CALCA: variants seen among roughly 807,000 people sequenced by gnomAD.
CALCA encodes the protein calcitonin related polypeptide alpha, also known as calcitonin.
Under a neutral mutation model 6.9 loss-of-function variants are expected in CALCA, and 4 were observed. The observed-to-expected ratio is 0.58, with a 90% CI of 0.29 to 1.33. The LOEUF (loss-of-function observed/expected upper bound fraction) is 1.33. Ranked by LOEUF, CALCA falls within the 40% of genes most tolerant of loss-of-function variation. The probability of loss-of-function intolerance (pLI) is 0.09; values close to 1 mark genes in which losing one functional copy is unlikely to be tolerated. For missense variants in CALCA, 174 were observed against 178.3 expected, an observed-to-expected ratio of 0.98 and a Z score of 0.14; for synonymous variants, 78 against 70.0, an observed-to-expected ratio of 1.11 and a Z score of -0.57.
rs781978795 is a variant in CALCA, at chr11:14,968,884, C to G, written c.341G>C (p.Gly114Ala). The G allele has an allele frequency of 3.1e-6, 5 of 1,614,176 alleles. No homozygotes were observed. In the Admixed American group the frequency reaches 8.3e-5, roughly 27 times the overall value. The change falls in exon 4 of 4, where the codon GGA (glycine) becomes GCA (alanine). Residue 114 changes from glycine to alanine, a missense_variant. Transcript: ENST00000331587. ...CATATCCCTTTTCTTTCCAGGTGCT[C>G]CAACCCCAATTGCAGTTTGGGGGAA... Reference protein sequence around the residue: ...HTFPQTAIGVGAPGKKRDMSS... With the variant: ...HTFPQTAIGVAAPGKKRDMSS...
intron 2 of CALCA, among the ~76,000 whole-genome samples, chr11:14,970,558 T>C (rs35356387): frequency 2.1e-3 from 321 of 152,276 alleles, no homozygotes; most frequent in African/African-American, 7.3e-3. Context: ...ATACAAAAGT[T>C]TGGCTAAAAG....
At chr11:14,968,127 T>C (rs1849500034), downstream of CALCA, 1 of 526,672 alleles carries the variant, frequency 1.9e-6, no homozygotes, top group Non-Finnish European at 3.4e-6. Context: ...ACAGCCAATC[T>C]TTCCTGTATA....
At chr11:14,967,941 T>C, downstream of CALCA, 1 of 1,514,722 alleles carries the variant, frequency 6.6e-7, no homozygotes, top group Non-Finnish European at 9.1e-7. Context: ...CATGGTAAAG[T>C]TGCTGTGCTG....
chr11:14,970,086 G>C lies in CALCA; in HGVS notation c.87-11C>G, dbSNP rs1849564563. On this transcript the variant is annotated splice_polypyrimidine_tract_variant and intron_variant, in intron 2 of 3. Transcript: ENST00000331587. The stretch of plus-strand genomic sequence containing the variant: ...CTCTCCAGGGCAGACCTGTGGAGGG[G>C]AAGCAAACTCAGTGCAGGCTGTGAG... 2 of 1,614,026 alleles carry C rather than the reference G, an allele frequency of 1.2e-6. No individual in the cohort carries two copies. Among genetic ancestry groups the C allele is most frequent in the African/African-American group, 2.7e-5 (2 of 74,954 alleles).
At chr11:14,969,096 G>T in intron 3 of CALCA, 99 bp from the exon 4 acceptor site, 1 of 1,092,696 alleles carries the variant, frequency 9.2e-7, no homozygotes, top group Non-Finnish European at 1.4e-6. Flanking sequence ...CCTGGGAGCA[G>T]GAGGGGCAGG....
At chr11:14,967,168 C>T (rs1849475489), downstream of CALCA, 1 of 158,462 alleles carries the variant, frequency 6.3e-6, no homozygotes, top group African/African-American at 2.4e-5. Flanking sequence ...CATCTATTAC[C>T]TCACTTGCTC....
chr11:14,967,993 T>G (rs1849496672), downstream of CALCA: 9 of 967,716 alleles, frequency 9.3e-6, no homozygotes, highest in Non-Finnish European at 1.4e-5. Flanking sequence ...TAAACACAAT[T>G]ATCAGAGCAG....
chr11:14,968,963 G>T lies in CALCA; in HGVS notation c.262C>A (p.Leu88Met). The change falls in exon 4 of 4, where the codon CTG (leucine) becomes ATG (methionine). Residue 88 changes from leucine (L) to methionine (M), a missense_variant. Physicochemically the swap from Leu to Met is conservative, Grantham distance 15 (BLOSUM62 2). Transcript: ENST00000331587. The stretch of plus-strand genomic sequence containing the variant: ...TATGTGCCCAGCATGCAAGTACTCA[G>T]ATTACCGCACCGCTTAGATCTGGGG... ...DSPRSKRCGN[L>M]STCMLGTYTQ... 1 of 1,613,852 alleles carries T rather than the reference G, an allele frequency of 6.2e-7. No individual in the cohort carries two copies. The highest frequency in any genetic ancestry group is 8.5e-7 in the Non-Finnish European group (1 of 1,180,026).
downstream of CALCA, chr11:14,967,656 T>C (rs782480947): frequency 1.9e-5 from 31 of 1,613,150 alleles, no homozygotes; most frequent in Non-Finnish European, 2.5e-5. Flanking sequence ...TCCCATCCCA[T>C]CATACAAGGG....
At position 14,971,095 on chromosome 11, in the gene CALCA, A is replaced by C. The variant is rs34603621; in HGVS notation, c.86+12T>G. 102 of 1,611,816 alleles carry C rather than the reference A, an allele frequency of 6.3e-5. 1 individual carries two copies. In the African/African-American group the frequency reaches 1.3e-3, roughly 21 times the overall value. On this transcript the variant is annotated intron_variant, in intron 2 of 3. Transcript: ENST00000331587. ...CTGATACCAGTGTGGTTCTGGCTTC[A>C]GGCTGTCTTACCTGAATGGTGCTGC...
downstream of CALCA, chr11:14,967,718 G>A (rs139972831): frequency 2.0e-5 from 33 of 1,613,992 alleles, no homozygotes; most frequent in South Asian, 4.4e-5. Flanking sequence ...TCCCTGCGGC[G>A]CCTGCCAAAG....
rs782689596 is a variant in CALCA at position 14,971,161 on chromosome 11, G to A, written c.32C>T (p.Ala11Val). 1.3e-5 allele frequency: 21 copies of A among 1,614,108 alleles called. No homozygotes were observed. The South Asian group carries it at 2.1e-4, about 16-fold the overall frequency. Residue 11 changes from alanine to valine, a missense_variant, in exon 2 of 4, where the codon GCT becomes GTT. Coordinates refer to ENST00000331587, the MANE Select transcript of CALCA (RefSeq NM_001741.3). MGFQKFSPFL[A>V]LSILVLLQAG... Reference sequence around the variant, plus strand: ...CTGCAACAGGACCAAGATGCTGAGAGCCAGGAAGGGGGAGAACTTTTGGAA... The same window carrying A: ...CTGCAACAGGACCAAGATGCTGAGAACCAGGAAGGGGGAGAACTTTTGGAA...
chr11:14,969,099 G>C (rs1849528388), intron 3 of CALCA, 102 bp from the exon 4 acceptor site: 7 of 1,048,272 alleles, frequency 6.7e-6, no homozygotes, highest in Admixed American at 1.8e-5. Flanking sequence ...GGGAGCAGGA[G>C]GGGCAGGCAG....
At chr11:14,970,204 G>C in intron 2 of CALCA, 129 bp from the exon 3 acceptor site, 1 of 1,338,240 alleles carries the variant, frequency 7.5e-7, no homozygotes, top group Non-Finnish European at 1.0e-6. Flanking sequence ...CTAGGGGACA[G>C]GGCACAAGGC....
At chr11:14,970,981 T>G in intron 2 of CALCA, 126 bp downstream of exon 2, 1 of 724,612 alleles carries the variant, frequency 1.4e-6, no homozygotes, top group Middle Eastern at 2.3e-4. Flanking sequence ...TATCAAAAAA[T>G]TATATATGTG....
Position 14,968,958 on chromosome 11 carries a change from A to C in CALCA, c.267T>G (p.Ser89Arg). ...SPRSKRCGNL[S>R]TCMLGTYTQD... ...GCGTGTATGTGCCCAGCATGCAAGT[A>C]CTCAGATTACCGCACCGCTTAGATC... Residue 89 changes from serine (S) to arginine (R), a missense_variant, in exon 4 of 4, where the codon AGT becomes AGG. Coordinates refer to ENST00000331587, the MANE Select transcript of CALCA (RefSeq NM_001741.3). The C allele has an allele frequency of 1.2e-6, 2 of 1,613,850 alleles. No individual in the cohort carries two copies. The highest frequency in any genetic ancestry group is 1.7e-6 in the Non-Finnish European group (2 of 1,180,016).
intron 2 of CALCA, among the ~76,000 whole-genome samples, chr11:14,970,793 G>T (rs1849584160): frequency 6.6e-6 from 1 of 152,072 alleles, no homozygotes; most frequent in African/African-American, 2.4e-5. Flanking sequence ...CCGGCTACTT[G>T]GGAGGCTGAG....
In CALCA at chr11:14,970,068, G is replaced by C. The variant is rs571272215; in HGVS notation, c.94C>G (p.Leu32Val). 33 of 1,614,226 alleles carry C rather than the reference G, an allele frequency of 2.0e-5. No individual in the cohort carries two copies. The highest frequency in any genetic ancestry group is 1.8e-4 in the South Asian group (16 of 91,078). The change falls in exon 3 of 4, where the codon CTG becomes GTG. Residue 32 changes from leucine to valine, a missense_variant. Physicochemically the swap from Leu to Val is conservative, Grantham distance 32. Coordinates refer to ENST00000331587, the MANE Select transcript of CALCA (RefSeq NM_001741.3). ...GCCGGGTCTGCTGGGCTGCTCTCCAGGGCAGACCTGTGGAGGGGAAGCAAA... is the reference window on the plus strand; with the variant it reads ...GCCGGGTCTGCTGGGCTGCTCTCCACGGCAGACCTGTGGAGGGGAAGCAAA... Reference protein sequence around the residue: ...SLHAAPFRSALESSPADPATL... With the variant: ...SLHAAPFRSAVESSPADPATL...
chr11:14,968,919 C>T lies in CALCA; in HGVS notation c.306G>A (p.Lys102=), dbSNP rs146700079. The change falls in exon 4 of 4, where the codon AAG becomes AAA. Residue 102 remains lysine, a synonymous_variant. Coordinates refer to ENST00000331587, the MANE Select transcript of CALCA (RefSeq NM_001741.3). ...MLGTYTQDFN[K]FHTFPQTAIG... ...TTGCAGTTTGGGGGAACGTGTGAAA[C>T]TTGTTGAAGTCCTGCGTGTATGTGC... The T allele has an allele frequency of 6.2e-7, 1 of 1,614,122 alleles. No individual in the cohort carries two copies. The highest frequency in any genetic ancestry group is 8.5e-7 in the Non-Finnish European group (1 of 1,180,036).
Sources: allele counts gnomAD v4.1 joint callset (sites outside exome capture counted in the v4.1 genomes callset), GRCh38; gene constraint gnomAD v4.1.1; transcripts MANE v1.5; gene names NCBI Gene and HGNC (gene_info 2026-07-23, HGNC 2026-07-21).